Variants in DNAAF9 observed in about 807,000 individuals in gnomAD.
DNAAF9 encodes the protein shulin.
A neutral mutation model predicts 167.0 loss-of-function variants in DNAAF9; 90 were observed. The ratio of observed to expected loss-of-function variants is 0.54; its 90% CI spans 0.45 to 0.64. The LOEUF is 0.64. DNAAF9 is among the 30% of genes least tolerant of loss of function. The pLI is 0.00. For missense variants in DNAAF9, 1,315 were observed against 1,442.2 expected, an observed-to-expected ratio of 0.91 and a Z score of 1.43; for synonymous variants, 491 against 508.8, an observed-to-expected ratio of 0.96 and a Z score of 0.47.
At chr20:3,297,002 T>G in intron 22 of DNAAF9, 53 bp from the exon 23 acceptor site, 1 of 994,016 alleles carries the variant, frequency 1.0e-6, no homozygotes, top group South Asian at 1.3e-5. Flanking sequence ...CAACAGGATA[T>G]GGAAGCCACA....
At chr20:3,394,033 A>G (rs912859525) in intron 1 of DNAAF9, among the ~76,000 whole-genome samples, 1 of 152,142 alleles carries the variant, frequency 6.6e-6, no homozygotes, top group African/African-American at 2.4e-5. Context: ...TACATATTTC[A>G]TCATATTTTA....
intron 28 of DNAAF9, 94 bp from the exon 29 acceptor site, chr20:3,279,043 A>G: frequency 1.1e-6 from 1 of 884,734 alleles, no homozygotes; most frequent in Non-Finnish European, 1.9e-6. Flanking sequence ...ACTGACAAGC[A>G]AATTGACTCA....
chr20:3,372,880 T>A (rs2083529524), intron 6 of DNAAF9, among the ~76,000 whole-genome samples: 1 of 152,214 alleles, frequency 6.6e-6, no homozygotes, highest in Non-Finnish European at 1.5e-5. Context: ...TAGTAGGCAC[T>A]CAGACCTAGT....
chr20:3,314,368 T>A (rs1035778255), intron 20 of DNAAF9, among the ~76,000 whole-genome samples: 8 of 152,066 alleles, frequency 5.3e-5, no homozygotes, highest in African/African-American at 1.9e-4. Flanking sequence ...TTAGAGAGAC[T>A]CAAAGTGTGT....
At position 3,385,947 on chromosome 20, in the gene DNAAF9, T is replaced by A. The variant is rs533172913; in HGVS notation, c.84-3441A>T. On this transcript the variant is annotated intron_variant, in intron 1 of 36. Coordinates refer to ENST00000252032, the MANE Select transcript of DNAAF9 (RefSeq NM_001009984.3). The stretch of plus-strand genomic sequence containing the variant: ...TCCCTAATGTGGTAAGTTTAACACA[T>A]CCCTATGAAAATCCAGTATTTTTTA... Among the ~76,000 whole-genome samples, 5 of 152,256 alleles carry A rather than the reference T, an allele frequency of 3.3e-5. No homozygotes were observed. In the South Asian group the frequency reaches 8.3e-4, roughly 25 times the overall value.
At chr20:3,254,412 T>TC (rs1444365258) in intron 35 of DNAAF9, among the ~76,000 whole-genome samples, 1 of 152,136 alleles carries the variant, frequency 6.6e-6, no homozygotes, top group African/African-American at 2.4e-5. Flanking sequence ...TTTCCCCCTC[T>TC]CCTCTTTCAT....
intron 31 of DNAAF9, among the ~76,000 whole-genome samples, chr20:3,262,393 G>C (rs2068407490): frequency 6.6e-6 from 1 of 151,952 alleles, no homozygotes; most frequent in Non-Finnish European, 1.5e-5. Flanking sequence ...TGGGACTACA[G>C]GTGCCTGCCA....
chr20:3,316,890 C>CTTTTTTTTT (rs11424663), intron 17 of DNAAF9, 97 bp from the exon 18 acceptor site: 1 of 236,506 alleles, frequency 4.2e-6, no homozygotes, highest in African/African-American at 3.4e-5. Context: ...AGCTAGGGTT[C>CTTTTTTTTT]TTTTTTTTTT....
intron 21 of DNAAF9, among the ~76,000 whole-genome samples, chr20:3,303,482 T>G (rs1211477622): frequency 6.6e-6 from 1 of 152,216 alleles, no homozygotes; most frequent in African/African-American, 2.4e-5. Context: ...ATCCCAGTAC[T>G]GTGCTTTTCA....
chr20:3,258,566 G>A (rs1362975930), intron 33 of DNAAF9, among the ~76,000 whole-genome samples: 1 of 152,118 alleles, frequency 6.6e-6, no homozygotes, highest in Admixed American at 6.6e-5. Flanking sequence ...CCCACAGGAA[G>A]AGCCAGCCTC....
intron 25 of DNAAF9, among the ~76,000 whole-genome samples, chr20:3,293,150 G>A (rs983446394): frequency 8.0e-5 from 12 of 150,788 alleles, no homozygotes; most frequent in Non-Finnish European, 1.3e-4. Context: ...AAAATTAGCC[G>A]GGCGTGGGGG....
intron 33 of DNAAF9, among the ~76,000 whole-genome samples, chr20:3,256,969 C>A (rs2068292100): frequency 6.6e-6 from 1 of 151,932 alleles, no homozygotes; most frequent in South Asian, 2.1e-4. Context: ...CTACTGCACT[C>A]CAGCCTGGGC....
At chr20:3,349,149 C>T (rs1010075617) in intron 7 of DNAAF9, among the ~76,000 whole-genome samples, 2 of 132,556 alleles carry the variant, frequency 1.5e-5, no homozygotes, top group Non-Finnish European at 3.1e-5. Flanking sequence ...AGCCCCAGGA[C>T]TTCCAGACCA....
rs1342272498 is a variant in DNAAF9, at chr20:3,315,220, A to G, written c.1591-100T>C. On this transcript the variant is annotated intron_variant, in intron 19 of 36. Coordinates refer to ENST00000252032, the MANE Select transcript of DNAAF9 (RefSeq NM_001009984.3). The surrounding 1 kb of genome is among the most constrained non-coding windows in gnomAD (Gnocchi z 4.1). ...AAGTCCTGCCCAATTATGTCCGTCT[A>G]CAAAAGCTGAGTCAGGCTCAGATAT... 2.6e-6 allele frequency: 2 copies of G among 775,186 alleles called. No individual in the cohort carries two copies. Among genetic ancestry groups the G allele is most frequent in the African/African-American group, 3.4e-5 (2 of 58,762 alleles). 48.0% of individuals were successfully genotyped at this position (775,186 alleles called of 1,614,324 possible).
chr20:3,398,756 T>C (rs775137563), intron 1 of DNAAF9, among the ~76,000 whole-genome samples: 1 of 152,216 alleles, frequency 6.6e-6, no homozygotes, highest in African/African-American at 2.4e-5. Flanking sequence ...AAAGAGCTCA[T>C]TGCAGGACTG....
chr20:3,334,829 T>C (rs2069906171), intron 10 of DNAAF9, among the ~76,000 whole-genome samples: 1 of 152,150 alleles, frequency 6.6e-6, no homozygotes, highest in Non-Finnish European at 1.5e-5. Context: ...TGATAAGAAA[T>C]TCACGACTCA....
At chr20:3,275,261 C>T (rs1373863206) in intron 29 of DNAAF9, among the ~76,000 whole-genome samples, 2 of 152,142 alleles carry the variant, frequency 1.3e-5, no homozygotes, top group East Asian at 1.9e-4. Flanking sequence ...AGAGCTCTGG[C>T]GGGTCTGGCA....
intron 6 of DNAAF9, among the ~76,000 whole-genome samples, chr20:3,364,386 T>C (rs1302080426): frequency 6.6e-6 from 1 of 152,190 alleles, no homozygotes; most frequent in African/African-American, 2.4e-5. Flanking sequence ...AGCAGTTAAG[T>C]AACTTGAAAA....
intron 9 of DNAAF9, among the ~76,000 whole-genome samples, chr20:3,342,236 C>A (rs182194336): frequency 1.3e-5 from 2 of 152,250 alleles, no homozygotes; most frequent in East Asian, 3.9e-4. Flanking sequence ...GTCTCAGGGT[C>A]TCTGCTCTTC....
Sources: allele counts gnomAD v4.1 joint callset (sites outside exome capture counted in the v4.1 genomes callset), GRCh38; gene constraint gnomAD v4.1.1; non-coding constraint Gnocchi (gnomAD v3.1); transcripts MANE v1.5; gene names NCBI Gene and HGNC (gene_info 2026-07-23, HGNC 2026-07-21).